Variants in SCN11A observed in about 807,000 individuals in gnomAD.
SCN11A encodes the protein sodium channel protein type 11 subunit alpha.
SCN11A carries 122 observed loss-of-function variants against 162.2 expected under a neutral mutation model. That is an observed-to-expected ratio of 0.75 (90% confidence interval 0.65 to 0.87). SCN11A has a LOEUF of 0.87. SCN11A is among the 40% of genes least tolerant of loss of function. SCN11A has a pLI of 0.00. For synonymous variants in SCN11A, 758 were observed against 751.5 expected (o/e 1.01, Z -0.14); for missense variants, 2,015 against 2,181.6 (o/e 0.92, Z 1.52).
intron 6 of SCN11A, 115 bp downstream of exon 6, chr3:38,946,674 G>T: frequency 2.7e-6 from 2 of 727,532 alleles, no homozygotes; most frequent in Non-Finnish European, 4.8e-6. Context: ...TAGGCACTCA[G>T]CCAGTATTTG....
chr3:38,860,282 C>T (rs1186756545), intron 28 of SCN11A, among the ~76,000 whole-genome samples: 1 of 152,094 alleles, frequency 6.6e-6, no homozygotes, highest in East Asian at 1.9e-4. Context: ...ACTCTTTCTC[C>T]ATTGCAATTC....
intron 10 of SCN11A, among the ~76,000 whole-genome samples, chr3:38,920,278 TG>T (rs2066026331): frequency 6.6e-6 from 1 of 152,144 alleles, no homozygotes; most frequent in South Asian, 2.1e-4. Flanking sequence ...AGATCCTCCC[TG>T]GGGGAAGCTG....
intron 14 of SCN11A, among the ~76,000 whole-genome samples, chr3:38,906,204 C>T (rs905978471): frequency 2.0e-5 from 3 of 152,194 alleles, no homozygotes; most frequent in African/African-American, 7.2e-5. Flanking sequence ...CTACATCTCC[C>T]TCTATCTCAG....
At chr3:38,860,307 A>AT (rs1407908102) in intron 28 of SCN11A, among the ~76,000 whole-genome samples, 24 of 152,124 alleles carry the variant, frequency 1.6e-4, no homozygotes, top group Non-Finnish European at 2.9e-4. Context: ...ATCTTGATAA[A>AT]TTGGCTCTGA....
intron 15 of SCN11A, among the ~76,000 whole-genome samples, chr3:38,904,335 C>G (rs1444864257): frequency 6.6e-6 from 1 of 152,174 alleles, no homozygotes; most frequent in Non-Finnish European, 1.5e-5. Flanking sequence ...AATATTTACA[C>G]TCTTACTGAG....
intron 1 of SCN11A, among the ~76,000 whole-genome samples, chr3:39,035,043 A>AATGC (rs1177021286): frequency 6.6e-6 from 1 of 152,168 alleles, no homozygotes; most frequent in East Asian, 1.9e-4. Flanking sequence ...CTACAGACTC[A>AATGC]ATGCAATCCC....
intron 16 of SCN11A, among the ~76,000 whole-genome samples, chr3:38,903,214 C>T (rs534580199): frequency 1.2e-4 from 18 of 152,186 alleles, no homozygotes; most frequent in East Asian, 3.9e-4. Flanking sequence ...TTCTGATATT[C>T]GAGGGACTAA....
intron 7 of SCN11A, among the ~76,000 whole-genome samples, chr3:38,940,581 G>A (rs951072122): frequency 2.6e-5 from 4 of 152,186 alleles, no homozygotes; most frequent in African/African-American, 9.6e-5. Context: ...TTAACAAATG[G>A]TGTTGGGACA....
chr3:38,936,004 C>G (rs529405327), intron 7 of SCN11A, among the ~76,000 whole-genome samples: 2 of 152,270 alleles, frequency 1.3e-5, no homozygotes, highest in South Asian at 4.1e-4. Flanking sequence ...AGCAGCACAT[C>G]AAAAAGCTTA....
intron 1 of SCN11A, among the ~76,000 whole-genome samples, chr3:39,044,964 G>T (rs949636375): frequency 2.0e-5 from 3 of 150,798 alleles, no homozygotes; most frequent in Non-Finnish European, 3.0e-5. Context: ...AATCAGAAAT[G>T]AAAAAAAACA....
chr3:38,978,576 G>A (rs1473439953), intron 2 of SCN11A, among the ~76,000 whole-genome samples: 1 of 152,028 alleles, frequency 6.6e-6, no homozygotes, highest in Non-Finnish European at 1.5e-5. Context: ...AGCCTGGGAG[G>A]CAGAGGTTGC....
chr3:38,979,700 C>T (rs1319111736), intron 2 of SCN11A, among the ~76,000 whole-genome samples: 1 of 152,234 alleles, frequency 6.6e-6, no homozygotes, highest in Non-Finnish European at 1.5e-5. Context: ...TCTATCTCCA[C>T]TGCCAATCTC....
chr3:38,867,272 T>C (rs1362593058), intron 27 of SCN11A, 49 bp downstream of exon 27: 1 of 1,561,048 alleles, frequency 6.4e-7, no homozygotes, highest in East Asian at 2.2e-5. Context: ...GTTAATGCAT[T>C]TGGAGGACAG....
At chr3:39,041,178 G>A (rs1341963288) in intron 1 of SCN11A, among the ~76,000 whole-genome samples, 1 of 151,954 alleles carries the variant, frequency 6.6e-6, no homozygotes, top group Non-Finnish European at 1.5e-5. Context: ...AATTCAAAAA[G>A]AATAAAGAAA....
At chr3:38,955,014 C>T (rs1182485293) in intron 3 of SCN11A, among the ~76,000 whole-genome samples, 2 of 152,016 alleles carry the variant, frequency 1.3e-5, no homozygotes, top group Admixed American at 6.6e-5. Context: ...AGAAAAGTAA[C>T]ATTGAGGCCA....
intron 21 of SCN11A, among the ~76,000 whole-genome samples, chr3:38,884,234 A>G (rs1482548198): frequency 6.6e-6 from 1 of 152,082 alleles, no homozygotes; most frequent in Non-Finnish European, 1.5e-5. Context: ...CCTGGCTTTT[A>G]TCCCACTCCT....
intron 2 of SCN11A, among the ~76,000 whole-genome samples, chr3:38,993,989 C>A (rs2030533178): frequency 6.6e-6 from 1 of 152,166 alleles, no homozygotes; most frequent in Admixed American, 6.5e-5. Context: ...GCGGTGCAGC[C>A]CTAGCTGTCC....
intron 28 of SCN11A, among the ~76,000 whole-genome samples, chr3:38,852,210 CACT>C (rs1178771724): frequency 6.6e-6 from 1 of 152,018 alleles, no homozygotes; most frequent in Non-Finnish European, 1.5e-5. Context: ...CACTGGAGGA[CACT>C]ACATTTCAGT....
chr3:38,989,857 C>G (rs898967719), intron 2 of SCN11A, among the ~76,000 whole-genome samples: 10 of 151,860 alleles, frequency 6.6e-5, no homozygotes, highest in Non-Finnish European at 1.2e-4. Flanking sequence ...CCCCCGTCCA[C>G]CCCACCCCCT....
Sources: allele counts gnomAD v4.1 joint callset (sites outside exome capture counted in the v4.1 genomes callset), GRCh38; gene constraint gnomAD v4.1.1; transcripts MANE v1.5; gene names NCBI Gene and HGNC (gene_info 2026-07-23, HGNC 2026-07-21).